Variants in SMOC2 observed in about 807,000 individuals in gnomAD.
SMOC2 encodes SPARC-related modular calcium-binding protein 2.
SMOC2 carries 39 observed loss-of-function variants against 61.4 expected under a neutral mutation model. The ratio of observed to expected loss-of-function variants is 0.64; its 90% CI spans 0.49 to 0.83. The LOEUF is 0.83. Ranked by LOEUF, SMOC2 falls within the 40% of genes least tolerant of loss-of-function variation. The pLI is 0.00. For missense variants in SMOC2, 556 were observed against 592.9 expected, an observed-to-expected ratio of 0.94 and a Z score of 0.65; for synonymous variants, 247 against 239.9, an observed-to-expected ratio of 1.03 and a Z score of -0.27.
At chr6:168,582,683 C>T (rs566055999) in intron 7 of SMOC2, among the ~76,000 whole-genome samples, 7 of 152,196 alleles carry the variant, frequency 4.6e-5, no homozygotes, top group Non-Finnish European at 7.3e-5. Flanking sequence ...ACTGGAACGC[C>T]GCCATGGAGA....
At chr6:168,495,740 T>A (rs1179859754) in intron 1 of SMOC2, among the ~76,000 whole-genome samples, 1 of 152,100 alleles carries the variant, frequency 6.6e-6, no homozygotes, top group Non-Finnish European at 1.5e-5. Flanking sequence ...TGCTAGCTCA[T>A]GGCTTCACTC....
chr6:168,551,205 A>G (rs1029542973), intron 7 of SMOC2, among the ~76,000 whole-genome samples: 3 of 152,106 alleles, frequency 2.0e-5, no homozygotes, highest in Non-Finnish European at 4.4e-5. Flanking sequence ...ACCTTCTGCC[A>G]TGATGGTAAG....
At chr6:168,567,883 T>C (rs929696849) in intron 7 of SMOC2, among the ~76,000 whole-genome samples, 1 of 150,722 alleles carries the variant, frequency 6.6e-6, no homozygotes, top group Non-Finnish European at 1.5e-5. Flanking sequence ...GCGTCTTCGC[T>C]TCAGATGAGC....
chr6:168,667,870 G>C lies in SMOC2; in HGVS notation c.*1432G>C, dbSNP rs991238114. 12 of 152,172 alleles carry C rather than the reference G, an allele frequency of 7.9e-5. No individual in the cohort carries two copies. Among genetic ancestry groups the C allele is most frequent in the African/African-American group, 2.4e-4 (10 of 41,434 alleles). 9.4% of individuals were successfully genotyped at this position (152,172 alleles called of 1,614,324 possible). A position where few individuals can be genotyped will look rare whatever the true frequency, so the allele number is the denominator to read the frequency against. On this transcript the variant is annotated 3_prime_UTR_variant, in exon 13 of 13. Transcript: ENST00000356284. ...CTTTGGAGCCACAGAACCAGCTCAA[G>C]TACATGCCAATGTTGTTTAAGAAAC...
intron 4 of SMOC2, among the ~76,000 whole-genome samples, chr6:168,533,296 A>G (rs1424143548): frequency 6.6e-6 from 1 of 152,206 alleles, no homozygotes; most frequent in African/African-American, 2.4e-5. Flanking sequence ...CATGAATCTC[A>G]GTACATGATA....
chr6:168,592,260 G>C (rs1020258762), intron 7 of SMOC2, among the ~76,000 whole-genome samples: 8 of 151,134 alleles, frequency 5.3e-5, no homozygotes, highest in African/African-American at 2.0e-4. Flanking sequence ...GCTTCCTAAG[G>C]CCTCACGGGC....
intron 1 of SMOC2, among the ~76,000 whole-genome samples, chr6:168,468,316 A>G (rs1038349312): frequency 1.3e-5 from 2 of 152,216 alleles, no homozygotes; most frequent in Non-Finnish European, 1.5e-5. Context: ...GGAATTCCGG[A>G]AGCACATGTT....
intron 9 of SMOC2, among the ~76,000 whole-genome samples, chr6:168,638,080 G>A (rs1034357447): frequency 7.2e-6 from 1 of 139,312 alleles, no homozygotes; most frequent in African/African-American, 2.7e-5. Context: ...ACCCTGCCCT[G>A]CCCCTGCCCT....
chr6:168,533,897 G>A (rs976579019), intron 4 of SMOC2, among the ~76,000 whole-genome samples: 34 of 152,140 alleles, frequency 2.2e-4, no homozygotes, highest in African/African-American at 8.0e-4. Flanking sequence ...ATGAGAGGTG[G>A]TCACTTCAGC....
intron 7 of SMOC2, among the ~76,000 whole-genome samples, chr6:168,549,729 C>T (rs1243709400): frequency 6.6e-6 from 1 of 152,058 alleles, no homozygotes; most frequent in Non-Finnish European, 1.5e-5. Flanking sequence ...GTTACTCAGT[C>T]ATGAAAATAA....
intron 9 of SMOC2, among the ~76,000 whole-genome samples, chr6:168,636,198 C>T (rs891210038): frequency 2.6e-5 from 4 of 152,184 alleles, no homozygotes; most frequent in Non-Finnish European, 5.9e-5. Flanking sequence ...CAGGTGTCCT[C>T]ATTCCTGGGA....
chr6:168,590,429 G>A (rs1255089703), intron 7 of SMOC2, among the ~76,000 whole-genome samples: 10 of 143,648 alleles, frequency 7.0e-5, no homozygotes, highest in African/African-American at 2.6e-4. Context: ...CGGCCTGGTG[G>A]TGGTCAGGTG....
intron 2 of SMOC2, among the ~76,000 whole-genome samples, chr6:168,518,963 G>C (rs192703628): frequency 6.6e-6 from 1 of 151,346 alleles, no homozygotes; most frequent in African/African-American, 2.4e-5. Context: ...GTGTGTATCC[G>C]TGCACGCGTG....
At chr6:168,490,955 A>G (rs961996802) in intron 1 of SMOC2, among the ~76,000 whole-genome samples, 2 of 150,728 alleles carry the variant, frequency 1.3e-5, no homozygotes, top group African/African-American at 4.9e-5. Context: ...GGCTGGTCTC[A>G]CTCATTAAAA....
chr6:168,624,645 CACACACAG>C (rs1234816180), intron 9 of SMOC2, among the ~76,000 whole-genome samples: 9 of 94,884 alleles, frequency 9.5e-5, no homozygotes, highest in Non-Finnish European at 1.2e-4. Context: ...AGTACAAATT[CACACACAG>C]ACACAGACGC....
rs780753126 is a variant in SMOC2 at position 168,608,106 on chromosome 6, C to G, written c.825-51C>G. 11 of 1,543,434 alleles carry G rather than the reference C, an allele frequency of 7.1e-6. No individual in the cohort carries two copies. The African/African-American group carries it at 1.5e-4, about 21-fold the overall frequency. On this transcript the variant is annotated intron_variant, in intron 8 of 12. Coordinates refer to ENST00000356284, the MANE Select transcript of SMOC2 (RefSeq NM_001166412.2). ...AAATGGAAGACAAACCACAGCTGGT[C>G]TCAAGCCCGTTGTTTTCTCTCTCCT... is the stretch of plus-strand genomic sequence containing the variant.
chr6:168,647,837 C>A (rs910682237), intron 9 of SMOC2, among the ~76,000 whole-genome samples: 2 of 152,152 alleles, frequency 1.3e-5, no homozygotes, highest in African/African-American at 4.8e-5. Context: ...CAGTAACAAG[C>A]ATTATTCCAG....
rs1562348474 is a variant in SMOC2 at position 168,560,588 on chromosome 6, TCATTTTCCTGCCCTGAGACACGAGGC to T, written c.637+11386_637+11411del. ...TCTCACTGCATTCTTGGAGGAGGTG[TCATTTTCCTGCCCTGAGACACGAGGC>T]TCTCACTGCATTCTTGGAGGAGGTG... On this transcript the variant is annotated intron_variant, in intron 7 of 12. Transcript: ENST00000356284. Among the ~76,000 whole-genome samples the T allele has an allele frequency of 7.4e-4, 63 of 85,126 alleles. 1 individual carries two copies. The highest frequency in any genetic ancestry group is 9.8e-4 in the African/African-American group (18 of 18,418). 55.8% of individuals were successfully genotyped at this position (85,126 alleles called of 152,430 possible). A position where few individuals can be genotyped will look rare whatever the true frequency, so the allele number is the denominator to read the frequency against.
At chr6:168,574,263 C>T (rs1180892015) in intron 7 of SMOC2, among the ~76,000 whole-genome samples, 1 of 152,156 alleles carries the variant, frequency 6.6e-6, no homozygotes, top group East Asian at 1.9e-4. Context: ...ATGGGCAGGG[C>T]GGGTAGGTCG....
Sources: allele counts gnomAD v4.1 joint callset (sites outside exome capture counted in the v4.1 genomes callset), GRCh38; gene constraint gnomAD v4.1.1; transcripts MANE v1.5; gene names NCBI Gene and HGNC (gene_info 2026-07-23, HGNC 2026-07-21).